The following SEMA3D variants were observed in gnomAD, a reference collection of about 807,000 sequenced individuals.
SEMA3D encodes semaphorin-3D.
SEMA3D carries 84 observed loss-of-function variants against 100.1 expected under a neutral mutation model. The observed-to-expected ratio is 0.84, with a 90% confidence interval of 0.70 to 1.01. The LOEUF is 1.01. Among genes scored for constraint, SEMA3D ranks in the 50% least tolerant of loss-of-function variants. The pLI is 0.00. For synonymous variants in SEMA3D, 312 were observed against 320.7 expected (o/e 0.97, Z 0.29); for missense variants, 875 against 934.1 (o/e 0.94, Z 0.82).
chr7:85,246,780 CT>C, the SEMA3D span, among the ~76,000 whole-genome samples: 1 of 151,662 alleles, frequency 6.6e-6, no homozygotes, highest in South Asian at 2.1e-4. Context: ...TAAAGAAATT[CT>C]TTTATTCAGG....
At chr7:85,134,927 A>C (rs1458175391) in intron 2 of SEMA3D, among the ~76,000 whole-genome samples, 1 of 152,026 alleles carries the variant, frequency 6.6e-6, no homozygotes, top group Non-Finnish European at 1.5e-5. Flanking sequence ...TACCCTCCAA[A>C]ACGGGAGGAA....
intron 1 of SEMA3D, among the ~76,000 whole-genome samples, chr7:85,157,899 T>C (rs887075053): frequency 5.9e-5 from 9 of 152,160 alleles, no homozygotes; most frequent in African/African-American, 1.7e-4. Flanking sequence ...CCCAAATTAA[T>C]ACTTTTATAA....
intron 5 of SEMA3D, 113 bp downstream of exon 5, chr7:85,081,404 T>A (rs573232016): frequency 1.6e-6 from 1 of 643,992 alleles, no homozygotes; most frequent in East Asian, 2.7e-5. Flanking sequence ...ATATGTTAGT[T>A]TAGTCTGAAA....
At chr7:85,204,486 T>A in the SEMA3D span, among the ~76,000 whole-genome samples, 3 of 152,108 alleles carry the variant, frequency 2.0e-5, no homozygotes, top group African/African-American at 7.2e-5. Context: ...CCCAACCCAG[T>A]GTAAATCAGC....
chr7:85,088,634 C>T (rs1788292390), intron 4 of SEMA3D, among the ~76,000 whole-genome samples: 1 of 152,162 alleles, frequency 6.6e-6, no homozygotes, highest in African/African-American at 2.4e-5. Flanking sequence ...TGTTGCAAAA[C>T]AAGAGCAACA....
At chr7:85,169,556 C>T (rs1791027229) in intron 1 of SEMA3D, among the ~76,000 whole-genome samples, 1 of 151,766 alleles carries the variant, frequency 6.6e-6, no homozygotes, top group African/African-American at 2.4e-5. Context: ...CCATCTAACA[C>T]ATGTTTTAAA....
intron 18 of SEMA3D, among the ~76,000 whole-genome samples, chr7:85,001,380 T>C (rs1309997698): frequency 2.0e-5 from 3 of 152,230 alleles, no homozygotes; most frequent in Non-Finnish European, 1.5e-5. Flanking sequence ...TTAGAAATGC[T>C]ATTGTAATAC....
intron 2 of SEMA3D, among the ~76,000 whole-genome samples, chr7:85,153,221 A>T (rs1202455176): frequency 6.6e-6 from 1 of 152,154 alleles, no homozygotes; most frequent in East Asian, 1.9e-4. Context: ...AATATAAGTG[A>T]ACCCACCCAG....
At chr7:85,158,563 G>T (rs542239734) in intron 1 of SEMA3D, among the ~76,000 whole-genome samples, 2 of 152,158 alleles carry the variant, frequency 1.3e-5, no homozygotes, top group East Asian at 1.9e-4. Flanking sequence ...TTTTAATTTT[G>T]CCCTGGTCCT....
chr7:85,037,136 C>T (rs918473978), intron 11 of SEMA3D, 103 bp from the exon 12 acceptor site: 10 of 1,149,686 alleles, frequency 8.7e-6, no homozygotes, highest in African/African-American at 1.6e-5. Flanking sequence ...ATTTACTTAG[C>T]ACATTAAATT....
chr7:85,147,911 G>A (rs1419389018), intron 2 of SEMA3D, among the ~76,000 whole-genome samples: 2 of 152,052 alleles, frequency 1.3e-5, no homozygotes, highest in Non-Finnish European at 2.9e-5. Flanking sequence ...TCTTTCAACT[G>A]GGAGTGCACC....
At chr7:85,160,825 T>A (rs965586695) in intron 1 of SEMA3D, among the ~76,000 whole-genome samples, 1 of 152,108 alleles carries the variant, frequency 6.6e-6, no homozygotes, top group Admixed American at 6.6e-5. Flanking sequence ...ACAAAGTACC[T>A]CTCTGCAAAC....
At chr7:85,103,893 T>C (rs375028858) in intron 3 of SEMA3D, among the ~76,000 whole-genome samples, 5 of 152,008 alleles carry the variant, frequency 3.3e-5, no homozygotes, top group Admixed American at 3.3e-4. Context: ...CCAGTACCAG[T>C]AAACCACCAT....
intron 9 of SEMA3D, among the ~76,000 whole-genome samples, chr7:85,045,435 A>G (rs1388765474): frequency 6.6e-6 from 1 of 151,994 alleles, no homozygotes; most frequent in Non-Finnish European, 1.5e-5. Context: ...AATATATTCT[A>G]TATAGTGGCT....
At chr7:85,188,284 T>C (rs1791616868), upstream of SEMA3D, among the ~76,000 whole-genome samples, 1 of 152,214 alleles carries the variant, frequency 6.6e-6, no homozygotes, top group South Asian at 2.1e-4. Flanking sequence ...ACCAAGGCTC[T>C]TTCTTGTGTC....
chr7:85,091,673 C>T (rs1010672186), intron 4 of SEMA3D, among the ~76,000 whole-genome samples: 6 of 151,930 alleles, frequency 3.9e-5, no homozygotes, highest in East Asian at 1.9e-4. Context: ...GTTACTATGT[C>T]GTTTCGAATA....
At chr7:85,231,172 T>G in the SEMA3D span, among the ~76,000 whole-genome samples, 1 of 152,184 alleles carries the variant, frequency 6.6e-6, no homozygotes, top group Non-Finnish European at 1.5e-5. Flanking sequence ...GTGCCAGGAT[T>G]CTATCTTTGG....
chr7:85,151,618 T>C, intron 2 of SEMA3D: 1 of 975,796 alleles, frequency 1.0e-6, no homozygotes, highest in East Asian at 1.1e-4. Context: ...TGTGTGTGTG[T>C]GTGTGTGTGT....
At chr7:85,172,113 A>G (rs1244590813) in intron 1 of SEMA3D, among the ~76,000 whole-genome samples, 1 of 152,038 alleles carries the variant, frequency 6.6e-6, no homozygotes, top group Admixed American at 6.6e-5. Context: ...TTATCTGCAA[A>G]CATAGGGCAA....
Sources: allele counts gnomAD v4.1 joint callset (sites outside exome capture counted in the v4.1 genomes callset), GRCh38; gene constraint gnomAD v4.1.1; transcripts MANE v1.5; gene names NCBI Gene and HGNC (gene_info 2026-07-23, HGNC 2026-07-21).